GALNT17: variants seen among roughly 807,000 people sequenced by gnomAD.
The protein encoded by GALNT17 is UDP-GalNAc:polypeptide N-acetylgalactosaminyltransferase-like 3.
GALNT17 carries 29 observed loss-of-function variants against 63.7 expected under a neutral mutation model. The observed-to-expected ratio is 0.46, with a 90% confidence interval of 0.34 to 0.62. The LOEUF (loss-of-function observed/expected upper bound fraction) is 0.62, where lower values mean the gene tolerates loss of function less well. Among genes scored for constraint, GALNT17 ranks in the 20% least tolerant of loss-of-function variants. The pLI is 0.01. For missense variants in GALNT17, 603 were observed against 799.6 expected (o/e 0.75, Z 2.97); for synonymous variants, 305 against 318.3 (o/e 0.96, Z 0.45).
At chr7:71,566,844 C>G (rs1789356375) in intron 5 of GALNT17, among the ~76,000 whole-genome samples, 1 of 152,128 alleles carries the variant, frequency 6.6e-6, no homozygotes. Context: ...AGCCAGGGCT[C>G]TCAGCAGATG....
intron 1 of GALNT17, among the ~76,000 whole-genome samples, chr7:71,180,315 G>A (rs1233800936): frequency 3.3e-5 from 5 of 151,900 alleles, no homozygotes; most frequent in African/African-American, 1.2e-4. Context: ...TAGTAGAGAC[G>A]GGGTTTCACT....
intron 1 of GALNT17, among the ~76,000 whole-genome samples, chr7:71,242,337 T>A (rs1309618888): frequency 6.9e-6 from 1 of 144,130 alleles, no homozygotes; most frequent in African/African-American, 2.6e-5. Context: ...TGGCGCCATC[T>A]CAGCTCACTG....
intron 1 of GALNT17, among the ~76,000 whole-genome samples, chr7:71,160,908 C>G (rs779669989): frequency 1.3e-5 from 2 of 152,108 alleles, no homozygotes; most frequent in South Asian, 2.1e-4. Flanking sequence ...TGTGATGACT[C>G]GTAGCTCATT....
At chr7:71,567,384 T>A (rs184358274) in intron 5 of GALNT17, among the ~76,000 whole-genome samples, 2 of 152,250 alleles carry the variant, frequency 1.3e-5, no homozygotes, top group African/African-American at 4.8e-5. Flanking sequence ...GCATTACTTA[T>A]TGAGCTCCTG....
intron 5 of GALNT17, among the ~76,000 whole-genome samples, chr7:71,485,737 C>T (rs947792509): frequency 5.3e-5 from 8 of 152,166 alleles, no homozygotes; most frequent in Admixed American, 1.3e-4. Context: ...ATCATTGTAG[C>T]GCCCTCAGAC....
At chr7:71,591,689 G>C (rs984665250) in intron 6 of GALNT17, among the ~76,000 whole-genome samples, 1 of 152,102 alleles carries the variant, frequency 6.6e-6, no homozygotes, top group Non-Finnish European at 1.5e-5. Context: ...TTGAGACAGA[G>C]TCTTGCTCTG....
At chr7:71,602,613 G>A (rs1253131570) in intron 6 of GALNT17, among the ~76,000 whole-genome samples, 2 of 152,194 alleles carry the variant, frequency 1.3e-5, no homozygotes, top group Non-Finnish European at 2.9e-5. Context: ...TCCCTCTGCA[G>A]CTTCTGGGGG....
At chr7:71,436,002 A>G (rs1295034688) in intron 5 of GALNT17, among the ~76,000 whole-genome samples, 2 of 144,302 alleles carry the variant, frequency 1.4e-5, no homozygotes, top group African/African-American at 5.0e-5. Flanking sequence ...CCTGGGTTAC[A>G]GAACGAGACT....
chr7:71,598,817 G>A (rs1789924901), intron 6 of GALNT17, among the ~76,000 whole-genome samples: 1 of 56,744 alleles, frequency 1.8e-5, no homozygotes, highest in Non-Finnish European at 4.7e-5. Flanking sequence ...GTAGCAAATC[G>A]GGTAAATGAT....
intron 6 of GALNT17, among the ~76,000 whole-genome samples, chr7:71,660,217 A>C (rs1214529279): frequency 6.6e-6 from 1 of 152,098 alleles, no homozygotes; most frequent in African/African-American, 2.4e-5. Context: ...ATATCCATTT[A>C]AGCAGGGCCA....
intron 2 of GALNT17, among the ~76,000 whole-genome samples, chr7:71,382,336 C>T (rs1402288121): frequency 1.3e-5 from 2 of 152,032 alleles, no homozygotes; most frequent in African/African-American, 2.4e-5. Context: ...GTCGAGATCA[C>T]GCCATTGCAC....
At chr7:71,354,593 G>A (rs979035244) in intron 2 of GALNT17, among the ~76,000 whole-genome samples, 2 of 151,982 alleles carry the variant, frequency 1.3e-5, no homozygotes, top group East Asian at 1.9e-4. Flanking sequence ...AGGCTATGGT[G>A]TATTATTTTC....
chr7:71,543,711 T>C (rs1788931406), intron 5 of GALNT17, among the ~76,000 whole-genome samples: 1 of 152,038 alleles, frequency 6.6e-6, no homozygotes, highest in South Asian at 2.1e-4. Context: ...TTTTTTTTTT[T>C]TTTCTTATCT....
intron 1 of GALNT17, among the ~76,000 whole-genome samples, chr7:71,142,418 C>G (rs1293741479): frequency 6.6e-6 from 1 of 152,144 alleles, no homozygotes; most frequent in Non-Finnish European, 1.5e-5. Flanking sequence ...ATGATGGTGC[C>G]TTTGGCTGAT....
chr7:71,211,424 T>C (rs1356107881), intron 1 of GALNT17, among the ~76,000 whole-genome samples: 3 of 152,224 alleles, frequency 2.0e-5, no homozygotes, highest in Non-Finnish European at 4.4e-5. Context: ...GTAAGTCCAG[T>C]TAAACCTCAT....
rs71089954 is a variant in GALNT17 at position 71,540,093 on chromosome 7, CTTTTTTTTTTTTTTT to C, written c.963-31171_963-31157del. On this transcript the variant is annotated intron_variant, in intron 5 of 10. Transcript: ENST00000333538. ...ACAGTTGTGAGCCACTGTGCCTGGC[CTTTTTTTTTTTTTTT>C]TTTTTTTTTTTTTTTTTTTTGATGG... 9.8e-3 allele frequency among the ~76,000 whole-genome samples: 330 copies of C among 33,520 alleles called. 2 individuals are homozygous for C. The highest frequency in any genetic ancestry group is 0.031 in the African/African-American group (309 of 10,012). The allele number at this position is 33,520 out of a possible 152,430, so 22.0% of individuals were successfully genotyped here. A position where few individuals can be genotyped will look rare whatever the true frequency, so the allele number is the denominator to read the frequency against.
intron 2 of GALNT17, among the ~76,000 whole-genome samples, chr7:71,361,391 C>T (rs1239143248): frequency 6.6e-6 from 1 of 152,198 alleles, no homozygotes; most frequent in Non-Finnish European, 1.5e-5. Flanking sequence ...AACCCAGGGA[C>T]ACCATTTCTA....
chr7:71,251,139 G>A lies in GALNT17; in HGVS notation c.239-84411G>A, dbSNP rs371427813. On this transcript the variant is annotated intron_variant, in intron 1 of 10. Coordinates refer to ENST00000333538, the MANE Select transcript of GALNT17 (RefSeq NM_022479.3). Reference sequence around the variant, plus strand: ...CCCATTAACTCATCATTTACGTTACGTATATCTCCTAATGCTATCCCTCCC... The same window carrying A: ...CCCATTAACTCATCATTTACGTTACATATATCTCCTAATGCTATCCCTCCC... Among the ~76,000 whole-genome samples, 225 of 152,010 alleles carry A rather than the reference G, an allele frequency of 1.5e-3. 1 individual carries two copies. The highest frequency in any genetic ancestry group is 4.9e-3 in the African/African-American group (205 of 41,454).
At chr7:71,618,138 A>C (rs1790244382) in intron 6 of GALNT17, among the ~76,000 whole-genome samples, 1 of 152,170 alleles carries the variant, frequency 6.6e-6, no homozygotes, top group South Asian at 2.1e-4. Flanking sequence ...ATGTTGCTGC[A>C]AAGGACATAA....
Sources: gnomAD v4.1 joint callset for allele counts (sites outside exome capture counted in the v4.1 genomes callset) on GRCh38, gnomAD v4.1.1 for gene constraint, MANE v1.5 for transcripts, NCBI Gene and HGNC (gene_info 2026-07-23, HGNC 2026-07-21) for gene names.